Variants in NLK observed in about 807,000 individuals in gnomAD.
The protein encoded by NLK is nemo like kinase.
NLK carries 11 observed loss-of-function variants against 59.0 expected under a neutral mutation model. The ratio of observed to expected loss-of-function variants is 0.19; its 90% CI spans 0.12 to 0.31. The LOEUF is 0.31. NLK is among the 10% of genes least tolerant of loss of function. NLK has a pLI of 1.00. For synonymous variants in NLK, 235 were observed against 235.9 expected (o/e 1.00, Z 0.03); for missense variants, 410 against 661.1 (o/e 0.62, Z 4.16).
At chr17:28,077,263 T>C (rs1330436639) in intron 1 of NLK, among the ~76,000 whole-genome samples, 1 of 151,922 alleles carries the variant, frequency 6.6e-6, no homozygotes, top group Non-Finnish European at 1.5e-5. Flanking sequence ...TCCATGTGGC[T>C]TGGAAGGCCT....
downstream of NLK, among the ~76,000 whole-genome samples, chr17:28,197,884 G>A (rs552551675): frequency 2.8e-4 from 42 of 152,192 alleles, no homozygotes; most frequent in Non-Finnish European, 4.1e-4. Flanking sequence ...ACCAAAGGCA[G>A]TTCTAAAGGG....
At chr17:28,148,993 A>T (rs755432497) in intron 3 of NLK, among the ~76,000 whole-genome samples, 4 of 152,258 alleles carry the variant, frequency 2.6e-5, no homozygotes, top group Non-Finnish European at 4.4e-5. Context: ...TGAAGTACTT[A>T]AAGAAGTGTC....
intron 3 of NLK, among the ~76,000 whole-genome samples, chr17:28,157,705 C>T (rs986798906): frequency 1.3e-5 from 2 of 152,094 alleles, no homozygotes; most frequent in African/African-American, 4.8e-5. Flanking sequence ...ACCATTGAAG[C>T]AATTTTAGAC....
downstream of NLK, among the ~76,000 whole-genome samples, chr17:28,197,620 G>A (rs182150470): frequency 2.6e-5 from 4 of 152,306 alleles, no homozygotes; most frequent in African/African-American, 9.6e-5. Flanking sequence ...TGGAGTCAGT[G>A]TGGACAGGTA....
intron 7 of NLK, among the ~76,000 whole-genome samples, chr17:28,173,101 C>T (rs1261821093): frequency 6.6e-6 from 1 of 152,218 alleles, no homozygotes. Flanking sequence ...GCCAGATTTG[C>T]ACTCATCAGT....
intron 1 of NLK, among the ~76,000 whole-genome samples, chr17:28,107,749 G>A (rs1398451090): frequency 6.6e-6 from 1 of 152,102 alleles, no homozygotes; most frequent in African/African-American, 2.4e-5. Flanking sequence ...GGGAAAAATA[G>A]TAAAATCAAT....
intron 1 of NLK, among the ~76,000 whole-genome samples, chr17:28,081,750 A>G (rs1043864525): frequency 1.3e-5 from 2 of 152,172 alleles, no homozygotes; most frequent in African/African-American, 4.8e-5. Flanking sequence ...TGATATTGAC[A>G]TCTCCAAGCA....
intron 5 of NLK, among the ~76,000 whole-genome samples, chr17:28,167,313 T>G (rs116594257): frequency 0.01 from 1,539 of 152,094 alleles, 30 homozygotes; most frequent in African/African-American, 0.035. Flanking sequence ...AATAGCTCAC[T>G]GTAGCCTCAA....
chr17:28,141,760 TAA>T (rs1387114385), intron 3 of NLK, among the ~76,000 whole-genome samples: 1 of 152,182 alleles, frequency 6.6e-6, no homozygotes, highest in Non-Finnish European at 1.5e-5. Flanking sequence ...CTGAATGCAT[TAA>T]GAGATCATCG....
At chr17:28,095,064 T>A (rs1040755181) in intron 1 of NLK, among the ~76,000 whole-genome samples, 2 of 152,110 alleles carry the variant, frequency 1.3e-5, no homozygotes, top group African/African-American at 4.8e-5. Context: ...CTTACCAGAA[T>A]AAAATTAGAA....
intron 1 of NLK, among the ~76,000 whole-genome samples, chr17:28,049,934 C>T (rs1008316376): frequency 6.6e-6 from 1 of 152,130 alleles, no homozygotes; most frequent in Non-Finnish European, 1.5e-5. Context: ...GAGCCAAGAT[C>T]GTGCCGTTTC....
At chr17:28,129,311 GGCATGGTGGCGCATGCCCGTA>G (rs1906419100) in intron 2 of NLK, among the ~76,000 whole-genome samples, 1 of 152,078 alleles carries the variant, frequency 6.6e-6, no homozygotes, top group South Asian at 2.1e-4. Flanking sequence ...AAGTTAGCCG[GGCATGGTGGCGCATGCCCGTA>G]GTCCCAGCTA....
At chr17:28,169,721 CTTTTT>C (rs1193124964) in intron 6 of NLK, among the ~76,000 whole-genome samples, 2 of 111,608 alleles carry the variant, frequency 1.8e-5, no homozygotes, top group Non-Finnish European at 1.9e-5. Context: ...GCTTCTTCTT[CTTTTT>C]TTTTTTTTTT....
chr17:28,100,871 T>C (rs533827235), intron 1 of NLK, among the ~76,000 whole-genome samples: 37 of 152,278 alleles, frequency 2.4e-4, no homozygotes, highest in African/African-American at 8.7e-4. Context: ...AAGGGTAGCC[T>C]TATATGTCCA....
At chr17:28,202,808 G>A in the NLK span, among the ~76,000 whole-genome samples, 5 of 150,492 alleles carry the variant, frequency 3.3e-5, no homozygotes, top group East Asian at 5.9e-4. Flanking sequence ...TCAGCCTCCC[G>A]AGTAGCTGGG....
At chr17:28,091,953 G>A (rs1904510374) in intron 1 of NLK, among the ~76,000 whole-genome samples, 1 of 151,960 alleles carries the variant, frequency 6.6e-6, no homozygotes, top group African/African-American at 2.4e-5. Flanking sequence ...CCTGTCTTCT[G>A]TCTCCTGAAT....
intron 7 of NLK, among the ~76,000 whole-genome samples, chr17:28,183,486 G>A (rs1908994921): frequency 1.3e-5 from 2 of 152,168 alleles, no homozygotes. Flanking sequence ...GTACCACCAT[G>A]CCGGGCTAAT....
intron 1 of NLK, among the ~76,000 whole-genome samples, chr17:28,058,494 A>G (rs1199712746): frequency 6.6e-6 from 1 of 152,190 alleles, no homozygotes; most frequent in Admixed American, 6.5e-5. Flanking sequence ...CCACCGATCC[A>G]CTAAAAATGA....
intron 3 of NLK, among the ~76,000 whole-genome samples, chr17:28,149,839 A>C (rs1215130554): frequency 6.6e-6 from 1 of 152,228 alleles, no homozygotes; most frequent in Admixed American, 6.5e-5. Flanking sequence ...CATCTTGTAC[A>C]TGCTGCTATT....
Sources: allele counts gnomAD v4.1 joint callset (sites outside exome capture counted in the v4.1 genomes callset), GRCh38; gene constraint gnomAD v4.1.1; transcripts MANE v1.5; gene names NCBI Gene and HGNC (gene_info 2026-07-23, HGNC 2026-07-21).